The following SGK3 variants were observed in gnomAD, a reference collection of about 807,000 sequenced individuals.
The protein encoded by SGK3 is serine/threonine-protein kinase Sgk3.
Under a neutral mutation model 68.5 loss-of-function variants are expected in SGK3, and 47 were observed. That is an observed-to-expected ratio of 0.69 (90% CI 0.54 to 0.87). The LOEUF is 0.87. SGK3 is among the 40% of genes least tolerant of loss of function. The pLI, the probability that SGK3 is intolerant of heterozygous loss-of-function variation, is 0.00. For missense variants in SGK3, 479 were observed against 575.5 expected (o/e 0.83, Z 1.72); for synonymous variants, 181 against 189.1 (o/e 0.96, Z 0.35).
intron 7 of SGK3, 116 bp from the exon 8 acceptor site, chr8:66,831,138 G>C (rs1415585693): frequency 7.5e-6 from 9 of 1,206,392 alleles, no homozygotes; most frequent in Non-Finnish European, 1.1e-5. Context: ...AGAGTTAATA[G>C]GCTGAAGTGT....
intron 5 of SGK3, among the ~76,000 whole-genome samples, chr8:66,818,108 G>A (rs77059371): frequency 0.031 from 4,671 of 152,154 alleles, 256 homozygotes; most frequent in African/African-American, 0.11. Context: ...GGCAGAGTGA[G>A]ACCCATCTCT....
At chr8:66,767,734 T>C (rs750261113) in intron 1 of SGK3, 6 of 1,541,498 alleles carry the variant, frequency 3.9e-6, no homozygotes, top group South Asian at 1.1e-5. Flanking sequence ...AGTCATCTTT[T>C]TGGCAGAAAA....
chr8:66,812,712 C>T (rs1808428220), intron 4 of SGK3, among the ~76,000 whole-genome samples: 1 of 152,016 alleles, frequency 6.6e-6, no homozygotes, highest in Non-Finnish European at 1.5e-5. Flanking sequence ...AACTTAGATG[C>T]ATTATCTCAT....
At chr8:66,802,118 C>T (rs1807968893) in intron 3 of SGK3, among the ~76,000 whole-genome samples, 1 of 151,948 alleles carries the variant, frequency 6.6e-6, no homozygotes, top group Non-Finnish European at 1.5e-5. Context: ...CTTATTTCAT[C>T]ACTTTCTATG....
At chr8:66,853,639 A>C (rs2130754750) in intron 16 of SGK3, among the ~76,000 whole-genome samples, 1 of 152,338 alleles carries the variant, frequency 6.6e-6, no homozygotes, top group Non-Finnish European at 1.5e-5. Context: ...ACTAGTCTAC[A>C]TTAAAAAAGG....
In SGK3 at chr8:66,857,051, C is replaced by T. The variant is rs182488523; in HGVS notation, c.1321-2360C>T. ...GAGGTTTGAGTGAGCCAAGATCACGCCACTGCACTCTAGCCTGGGCAACAG... is the reference window on the plus strand; with the variant it reads ...GAGGTTTGAGTGAGCCAAGATCACGTCACTGCACTCTAGCCTGGGCAACAG... On this transcript the variant is annotated intron_variant, in intron 16 of 16. Coordinates refer to ENST00000521198, the MANE Select transcript of SGK3 (RefSeq NM_001033578.3). Among the ~76,000 whole-genome samples the T allele has an allele frequency of 7.1e-3, 1,081 of 152,188 alleles. 12 individuals are homozygous for T. The highest frequency in any genetic ancestry group is 0.03 in the South Asian group (145 of 4,818).
At chr8:66,723,131 ATT>A (rs1177940065) in intron 1 of SGK3, among the ~76,000 whole-genome samples, 558 of 28,994 alleles carry the variant, frequency 0.019, 6 homozygotes, top group South Asian at 0.038. Context: ...ATATATATAT[ATT>A]TTTTTTTTTT....
intron 10 of SGK3, among the ~76,000 whole-genome samples, chr8:66,837,552 G>C (rs941679428): frequency 1.3e-5 from 2 of 152,140 alleles, no homozygotes; most frequent in Admixed American, 1.3e-4. Context: ...AGGCCGATGT[G>C]GGTGGATCAC....
At chr8:66,822,737 G>A (rs1194245425) in intron 6 of SGK3, among the ~76,000 whole-genome samples, 1 of 152,150 alleles carries the variant, frequency 6.6e-6, no homozygotes, top group Non-Finnish European at 1.5e-5. Context: ...TCCTGCCTCA[G>A]CCTCCCCAGT....
chr8:66,778,245 TCA>T (rs1806798849), intron 1 of SGK3, among the ~76,000 whole-genome samples: 1 of 152,212 alleles, frequency 6.6e-6, no homozygotes, highest in Non-Finnish European at 1.5e-5. Flanking sequence ...CACACACATT[TCA>T]GTTTCTTTTA....
rs1484290825 is a variant in SGK3, at chr8:66,793,959, A to T, written c.96+127A>T. 7 of 1,002,484 alleles carry T rather than the reference A, an allele frequency of 7.0e-6. No individual in the cohort carries two copies. The South Asian group carries it at 1.1e-4, about 16-fold the overall frequency. 62.1% of individuals were successfully genotyped at this position (1,002,484 alleles called of 1,614,324 possible). On this transcript the variant is annotated intron_variant, in intron 2 of 16. Transcript: ENST00000521198. ...CACATACCTAGATTTTACTTCTTTC[A>T]CATGATCTGTTCTCCACAAAGTCTT...
At chr8:66,839,370 G>C (rs1809671865) in intron 10 of SGK3, among the ~76,000 whole-genome samples, 1 of 148,902 alleles carries the variant, frequency 6.7e-6, no homozygotes, top group African/African-American at 2.5e-5. Context: ...ATGGTCCAGA[G>C]CTTATCTTTT....
chr8:66,840,641 CAAAAT>C (rs1275030477), intron 12 of SGK3: 1 of 202,946 alleles, frequency 4.9e-6, no homozygotes, highest in Non-Finnish European at 9.8e-6. Flanking sequence ...ATAATTATGT[CAAAAT>C]AAAAGGAGTT....
At chr8:66,764,188 C>CAT (rs1806251298) in intron 1 of SGK3, among the ~76,000 whole-genome samples, 1 of 152,106 alleles carries the variant, frequency 6.6e-6, no homozygotes, top group Admixed American at 6.5e-5. Context: ...ACAACATGAA[C>CAT]ATGATCTCAT....
In SGK3 at chr8:66,798,444, A is replaced by G. The variant is rs1286479461; in HGVS notation, c.97-98A>G. The G allele has an allele frequency of 4.4e-6, 5 of 1,136,660 alleles. No homozygotes were observed. In the African/African-American group the frequency reaches 6.3e-5, roughly 14 times the overall value. The allele number at this position is 1,136,660 out of a possible 1,614,324, so 70.4% of individuals were successfully genotyped here. A position where few individuals can be genotyped will look rare whatever the true frequency, so the allele number is the denominator to read the frequency against. ...TGGTGAAAGAGCCAGACTGTCTCAA[A>G]AAAAAAAAAAAATTAAAACAGGTTT... On this transcript the variant is annotated intron_variant, in intron 2 of 16. Coordinates refer to ENST00000521198, the MANE Select transcript of SGK3 (RefSeq NM_001033578.3).
chr8:66,800,906 G>T (rs1010818676), intron 3 of SGK3, among the ~76,000 whole-genome samples: 3 of 152,176 alleles, frequency 2.0e-5, no homozygotes, highest in African/African-American at 7.2e-5. Context: ...GATCACTTGA[G>T]CCTGGGCGGT....
intron 15 of SGK3, among the ~76,000 whole-genome samples, chr8:66,850,309 A>G (rs1364235465): frequency 6.6e-6 from 1 of 152,192 alleles, no homozygotes; most frequent in Non-Finnish European, 1.5e-5. Context: ...CTTGAAGGAA[A>G]AATAGCTAGA....
intron 5 of SGK3, among the ~76,000 whole-genome samples, chr8:66,814,425 G>A (rs368191476): frequency 1.3e-5 from 2 of 152,286 alleles, no homozygotes; most frequent in East Asian, 3.9e-4. Flanking sequence ...GAGGAGGTAA[G>A]GAAGGCTTCC....
chr8:66,846,375 C>T (rs530988325), intron 14 of SGK3, among the ~76,000 whole-genome samples: 4 of 152,114 alleles, frequency 2.6e-5, no homozygotes, highest in East Asian at 3.9e-4. Context: ...AGTGCAGTGG[C>T]GCAATCTCAG....
Sources: gnomAD v4.1 joint callset for allele counts (sites outside exome capture counted in the v4.1 genomes callset) on GRCh38, gnomAD v4.1.1 for gene constraint, MANE v1.5 for transcripts, NCBI Gene and HGNC (gene_info 2026-07-23, HGNC 2026-07-21) for gene names.